The following NDP variants were observed in gnomAD, a reference collection of about 807,000 sequenced individuals.
The protein encoded by NDP is norrin cystine knot growth factor NDP.
A neutral mutation model predicts 8.4 loss-of-function variants in NDP; 2 were observed. The observed-to-expected ratio is 0.24, with a 90% CI of 0.10 to 0.75. NDP has a LOEUF of 0.75. NDP is among the 30% of genes least tolerant of loss of function. The pLI, the probability that NDP is intolerant of heterozygous loss-of-function variation, is 0.73. For missense variants in NDP, 81 were observed against 110.1 expected (o/e 0.74, Z 1.18); for synonymous variants, 55 against 45.6 (o/e 1.21, Z -0.83).
At chrX:43,963,346 G>GTT (rs11402928) in intron 1 of NDP, among the ~76,000 whole-genome samples, 1 of 109,183 alleles carries the variant, frequency 9.2e-6, no homozygotes, top group South Asian at 3.9e-4. Context: ...TTCCTGGATG[G>GTT]TTTTTAGACA....
intron 2 of NDP, among the ~76,000 whole-genome samples, chrX:43,955,086 C>A (rs903528384): frequency 2.7e-5 from 3 of 111,725 alleles, no homozygotes; most frequent in African/African-American, 9.8e-5. Context: ...CTGTTAGCAC[C>A]CAGCACAGTG....
chrX:43,968,924 A>C (rs1239564874), intron 1 of NDP, among the ~76,000 whole-genome samples: 1 of 111,631 alleles, frequency 9.0e-6, no homozygotes, highest in Non-Finnish European at 1.9e-5. Flanking sequence ...CCTTTAATGA[A>C]TTTTAGCTAA....
At chrX:43,950,690 G>T (rs184273907) in intron 2 of NDP, among the ~76,000 whole-genome samples, 20 of 111,245 alleles carry the variant, frequency 1.8e-4, no homozygotes, top group African/African-American at 4.9e-4. Context: ...AATTGCATCC[G>T]CATCTTCAGA....
rs751529532 is a variant in NDP at position 43,958,975 on chromosome X, C to A, written c.-207-123G>T. The A allele has an allele frequency of 1.1e-5, 3 of 266,334 alleles. No individual in the cohort carries two copies. In the South Asian group the frequency reaches 1.3e-4, roughly 12 times the overall value. The allele number at this position is 266,334 out of a possible 1,213,427, so 21.9% of individuals were successfully genotyped here. On this transcript the variant is annotated intron_variant, in intron 1 of 2. Transcript: ENST00000642620. ...GAGAGGAGAATATTGGTTTCTAGAG[C>A]GTCATTAGCAAAGGCTGTCATCCAT... is the stretch of plus-strand genomic sequence containing the variant.
chrX:43,952,284 C>T (rs1397971365), intron 2 of NDP, among the ~76,000 whole-genome samples: 1 of 111,738 alleles, frequency 8.9e-6, no homozygotes, highest in Non-Finnish European at 1.9e-5. Context: ...CCCCCATCTC[C>T]CTGTATGTGG....
chrX:43,950,197 C>T (rs1285745897), intron 2 of NDP, 171 bp from the exon 3 acceptor site: 1 of 467,950 alleles, frequency 2.1e-6, no homozygotes, highest in Non-Finnish European at 3.7e-6. Context: ...TCATTCAGAT[C>T]GATTGAATTA....
At chrX:43,965,694 C>T (rs1280270507) in intron 1 of NDP, among the ~76,000 whole-genome samples, 1 of 111,533 alleles carries the variant, frequency 9.0e-6, no homozygotes, top group Non-Finnish European at 1.9e-5. Flanking sequence ...TGAGCTTGAG[C>T]CACAGATCCT....
chrX:43,961,531 G>T (rs1198273444), intron 1 of NDP, among the ~76,000 whole-genome samples: 1 of 112,092 alleles, frequency 8.9e-6, no homozygotes, highest in Non-Finnish European at 1.9e-5. Flanking sequence ...GTATAGCAAA[G>T]CTCTGAAAGG....
intron 2 of NDP, among the ~76,000 whole-genome samples, chrX:43,958,229 C>A (rs746112417): frequency 8.9e-6 from 1 of 111,980 alleles, no homozygotes; most frequent in South Asian, 3.8e-4. Context: ...AACATCACAG[C>A]CAGGGACAAA....
chrX:43,961,754 A>T (rs866994352), intron 1 of NDP, among the ~76,000 whole-genome samples: 2 of 111,437 alleles, frequency 1.8e-5, no homozygotes, highest in Non-Finnish European at 3.8e-5. Flanking sequence ...TGTTTGTGCC[A>T]GTTTGAGTAT....
At chrX:43,967,318 C>T (rs1200059575) in intron 1 of NDP, among the ~76,000 whole-genome samples, 2 of 111,469 alleles carry the variant, frequency 1.8e-5, no homozygotes, top group African/African-American at 6.5e-5. Context: ...CTAAAATATC[C>T]TCTCAAGTTT....
At chrX:43,971,775 T>C (rs1602072813) in intron 1 of NDP, among the ~76,000 whole-genome samples, 1 of 111,583 alleles carries the variant, frequency 9.0e-6, no homozygotes, top group Non-Finnish European at 1.9e-5. Context: ...TACCCCAAAG[T>C]TGTAAATTAA....
At chrX:43,952,791 C>T (rs750362377) in intron 2 of NDP, among the ~76,000 whole-genome samples, 3 of 111,748 alleles carry the variant, frequency 2.7e-5, no homozygotes, top group Non-Finnish European at 5.6e-5. Context: ...ACAATAAATG[C>T]CTTCAGTAGT....
In NDP at chrX:43,973,129, G is replaced by C. The variant is rs781457221; in HGVS notation, c.-208+175C>G. Among the ~76,000 whole-genome samples, 8 of 112,809 alleles carry C rather than the reference G, an allele frequency of 7.1e-5. No homozygotes were observed. The South Asian group carries it at 2.9e-3, about 41-fold the overall frequency. On this transcript the variant is annotated intron_variant, in intron 1 of 2. Transcript: ENST00000642620. ...TCCCTGCTCTGTCACAGACTTCAAAGACCCGTTCATTTAAGAAACACAATG... is the reference window on the plus strand; with the variant it reads ...TCCCTGCTCTGTCACAGACTTCAAACACCCGTTCATTTAAGAAACACAATG...
At chrX:43,970,356 G>C (rs2035884755) in intron 1 of NDP, among the ~76,000 whole-genome samples, 1 of 112,221 alleles carries the variant, frequency 8.9e-6, no homozygotes, top group Non-Finnish European at 1.9e-5. Flanking sequence ...GGCCGTCATG[G>C]GAAGAGGTGA....
intron 2 of NDP, chrX:43,954,578 T>A (rs2035781702): frequency 9.0e-6 from 1 of 111,144 alleles, no homozygotes; most frequent in South Asian, 3.9e-4. Flanking sequence ...TTGTTCCTTT[T>A]AAAAAAATCA....
At chrX:43,959,590 C>T (rs996993737) in intron 1 of NDP, among the ~76,000 whole-genome samples, 12 of 111,350 alleles carry the variant, frequency 1.1e-4, no homozygotes, top group African/African-American at 3.0e-4. Flanking sequence ...ACAGACTTAC[C>T]ATTAAAATAG....
chrX:43,962,674 T>C (rs985386904), intron 1 of NDP, among the ~76,000 whole-genome samples: 4 of 112,077 alleles, frequency 3.6e-5, no homozygotes, highest in African/African-American at 1.3e-4. Flanking sequence ...AATGACTCTC[T>C]TGCTGAACTC....
Position 43,964,876 on chromosome X carries a change from C to T in NDP, c.-207-6024G>A, listed in dbSNP as rs146753871. On this transcript the variant is annotated intron_variant, in intron 1 of 2. Coordinates refer to ENST00000642620, the MANE Select transcript of NDP (RefSeq NM_000266.4). The stretch of plus-strand genomic sequence containing the variant: ...TACCCAAGCTTCTCAGAGTACAGCC[C>T]CTGCCTTGGGGCTACATATTCCCCA... 3.8e-3 allele frequency among the ~76,000 whole-genome samples: 428 copies of T among 111,882 alleles called. 5 individuals carry two copies. The highest frequency in any genetic ancestry group is 0.013 in the African/African-American group (391 of 30,781).
Sources: allele counts gnomAD v4.1 joint callset (sites outside exome capture counted in the v4.1 genomes callset), GRCh38; gene constraint gnomAD v4.1.1; transcripts MANE v1.5; gene names NCBI Gene and HGNC (gene_info 2026-07-23, HGNC 2026-07-21).